PLCXD3: variants seen among roughly 807,000 people sequenced by gnomAD.
PLCXD3 encodes the protein phosphatidylinositol specific phospholipase C X domain containing 3, also known as PI-PLC X domain-containing protein 3.
A neutral mutation model predicts 25.5 loss-of-function variants in PLCXD3; 19 were observed. The observed-to-expected ratio is 0.75, with a 90% CI of 0.52 to 1.09. The LOEUF (loss-of-function observed/expected upper bound fraction) is 1.09, where lower values mean the gene tolerates loss of function less well. Among genes scored for constraint, PLCXD3 ranks in the 50% least tolerant of loss-of-function variants. The probability of loss-of-function intolerance (pLI) is 0.00; values close to 1 mark genes in which losing one functional copy is unlikely to be tolerated. For synonymous variants in PLCXD3, 174 were observed against 137.6 expected, an observed-to-expected ratio of 1.26 and a Z score of -1.85; for missense variants, 411 against 388.1, an observed-to-expected ratio of 1.06 and a Z score of -0.50.
intron 1 of PLCXD3, among the ~76,000 whole-genome samples, chr5:41,486,868 T>C (rs995049899): frequency 2.6e-5 from 4 of 152,190 alleles, no homozygotes; most frequent in Non-Finnish European, 5.9e-5. Context: ...GGGTATTTAG[T>C]GATTCCCCTG....
intron 2 of PLCXD3, among the ~76,000 whole-genome samples, chr5:41,316,065 C>T (rs1324014755): frequency 6.6e-6 from 1 of 152,154 alleles, no homozygotes; most frequent in African/African-American, 2.4e-5. Flanking sequence ...TCCCCTAAAC[C>T]CAGGCTGCAC....
intron 1 of PLCXD3, chr5:41,475,789 T>C: frequency 1.9e-6 from 1 of 523,582 alleles, no homozygotes; most frequent in Non-Finnish European, 3.9e-6. Context: ...CTGCTGTTAC[T>C]ACTTGAGACC....
At chr5:41,403,411 T>TTTTGTTTG (rs1746258884) in intron 1 of PLCXD3, among the ~76,000 whole-genome samples, 1 of 38,314 alleles carries the variant, frequency 2.6e-5, no homozygotes, top group Non-Finnish European at 6.4e-5. Context: ...GTTTTTTTTT[T>TTTTGTTTG]TTTTTATTAT....
chr5:41,441,587 C>T (rs1017282924), intron 1 of PLCXD3, among the ~76,000 whole-genome samples: 4 of 152,138 alleles, frequency 2.6e-5, no homozygotes, highest in Non-Finnish European at 5.9e-5. Flanking sequence ...TCTGCATTTG[C>T]CCACACGAGC....
intron 1 of PLCXD3, among the ~76,000 whole-genome samples, chr5:41,425,386 C>A (rs928841658): frequency 2.6e-5 from 4 of 151,222 alleles, no homozygotes; most frequent in Admixed American, 6.6e-5. Flanking sequence ...TCCCATATAC[C>A]TGCTTCCCCA....
chr5:41,403,398 G>GTTTTTTTTTTTGT (rs764950342), intron 1 of PLCXD3, among the ~76,000 whole-genome samples: 1 of 33,990 alleles, frequency 2.9e-5, no homozygotes, highest in Non-Finnish European at 6.5e-5. Flanking sequence ...TGACTTATTT[G>GTTTTTTTTTTTGT]TTGTTTTTTT....
intron 1 of PLCXD3, among the ~76,000 whole-genome samples, chr5:41,483,438 C>T (rs1003331929): frequency 1.3e-5 from 2 of 151,964 alleles, no homozygotes; most frequent in African/African-American, 4.8e-5. Context: ...TGTTTCTGAG[C>T]CTTGAGACCC....
At chr5:41,435,327 G>T (rs1747221979) in intron 1 of PLCXD3, among the ~76,000 whole-genome samples, 1 of 152,114 alleles carries the variant, frequency 6.6e-6, no homozygotes, top group Non-Finnish European at 1.5e-5. Context: ...TCCCCTTTTG[G>T]CTCTGTAAGT....
At chr5:41,489,708 A>T (rs1406250677) in intron 1 of PLCXD3, among the ~76,000 whole-genome samples, 5 of 152,004 alleles carry the variant, frequency 3.3e-5, no homozygotes, top group African/African-American at 1.2e-4. Context: ...TGTGAATGGG[A>T]GTTCACTCAT....
At chr5:41,352,131 GT>G (rs139943251) in intron 2 of PLCXD3, among the ~76,000 whole-genome samples, 18,618 of 152,144 alleles carry the variant, frequency 0.12, 1,231 homozygotes, top group Non-Finnish European at 0.13. Flanking sequence ...AAAGAACTGT[GT>G]TTCCTTTATC....
At chr5:41,490,670 T>G (rs1443184745) in intron 1 of PLCXD3, among the ~76,000 whole-genome samples, 1 of 152,182 alleles carries the variant, frequency 6.6e-6, no homozygotes, top group Non-Finnish European at 1.5e-5. Flanking sequence ...TGGGAGGGTG[T>G]ATGTGTCGAG....
chr5:41,363,377 AT>A (rs72172816), intron 2 of PLCXD3, among the ~76,000 whole-genome samples: 4 of 152,224 alleles, frequency 2.6e-5, no homozygotes, highest in Admixed American at 2.6e-4. Flanking sequence ...ATAATAATAT[AT>A]TTTTTTAAAA....
At chr5:41,465,355 T>C (rs922837501) in intron 1 of PLCXD3, among the ~76,000 whole-genome samples, 42 of 58,080 alleles carry the variant, frequency 7.2e-4, no homozygotes, top group Non-Finnish European at 9.9e-4. Context: ...GTTCTTGTCT[T>C]TTTTTTTTTT....
At chr5:41,330,944 C>T (rs1291616470) in intron 2 of PLCXD3, among the ~76,000 whole-genome samples, 2 of 152,112 alleles carry the variant, frequency 1.3e-5, no homozygotes, top group South Asian at 2.1e-4. Flanking sequence ...TGGGATGTAT[C>T]TCAAAATAAT....
At chr5:41,420,713 A>G (rs1444846207) in intron 1 of PLCXD3, among the ~76,000 whole-genome samples, 1 of 152,214 alleles carries the variant, frequency 6.6e-6, no homozygotes, top group Non-Finnish European at 1.5e-5. Flanking sequence ...GCATGGCAGG[A>G]TAATTGTATA....
chr5:41,356,866 C>T (rs1744633833), intron 2 of PLCXD3, among the ~76,000 whole-genome samples: 1 of 152,136 alleles, frequency 6.6e-6, no homozygotes, highest in South Asian at 2.1e-4. Context: ...AGCTACAGGG[C>T]AAACAGGAAG....
rs201497690 is a variant in PLCXD3, at chr5:41,508,993, G to A, written c.103+1431C>T. 6.6e-5 allele frequency among the ~76,000 whole-genome samples: 10 copies of A among 152,278 alleles called. No homozygotes were observed. The East Asian group carries it at 1.7e-3, about 26-fold the overall frequency. On this transcript the variant is annotated intron_variant, in intron 1 of 2. Transcript: ENST00000377801. ...GGTAGCAAGCTATCTGTTGAAGAAG[G>A]ACGAAAGGAGACAGCCCCTTCTGTG...
At chr5:41,376,319 C>A (rs951442621) in intron 2 of PLCXD3, among the ~76,000 whole-genome samples, 4 of 152,118 alleles carry the variant, frequency 2.6e-5, no homozygotes, top group African/African-American at 9.7e-5. Flanking sequence ...TGCTGGCATG[C>A]CACTCTGTTT....
intron 1 of PLCXD3, among the ~76,000 whole-genome samples, chr5:41,397,323 GC>G (rs1746038004): frequency 6.6e-6 from 1 of 152,204 alleles, no homozygotes; most frequent in Admixed American, 6.5e-5. Flanking sequence ...GTTACAAGGG[GC>G]CTAGGTACAG....
Sources: allele counts gnomAD v4.1 joint callset (sites outside exome capture counted in the v4.1 genomes callset), GRCh38; gene constraint gnomAD v4.1.1; transcripts MANE v1.5; gene names NCBI Gene and HGNC (gene_info 2026-07-23, HGNC 2026-07-21).